Variants in PTPRQ observed in about 807,000 individuals in gnomAD.
PTPRQ encodes phosphatidylinositol phosphatase PTPRQ.
A neutral mutation model predicts 246.0 loss-of-function variants in PTPRQ; 199 were observed. The ratio of observed to expected loss-of-function variants is 0.81; its 90% CI spans 0.72 to 0.91. The LOEUF (loss-of-function observed/expected upper bound fraction) is 0.91, where lower values mean the gene tolerates loss of function less well. Ranked by LOEUF, PTPRQ falls within the 40% of genes least tolerant of loss-of-function variation. The probability of loss-of-function intolerance (pLI) is 0.00; values close to 1 mark genes in which losing one functional copy is unlikely to be tolerated. For synonymous variants in PTPRQ, 869 were observed against 853.2 expected (o/e 1.02, Z -0.32); for missense variants, 2,624 against 2,528.4 (o/e 1.04, Z -0.81).
In PTPRQ at chr12:80,523,947, C is replaced by G. The variant is rs377644715; in HGVS notation, c.2679-10068C>G. Among the ~76,000 whole-genome samples the G allele has an allele frequency of 2.8e-4, 43 of 152,206 alleles. 1 individual carries two copies. In the East Asian group the frequency reaches 3.7e-3, roughly 13 times the overall value. On this transcript the variant is annotated intron_variant, in intron 17 of 44. Transcript: ENST00000644991. ...TTAACTTTCTGTCTCATTGATCTGT[C>G]TAATGTTGACAGGGGGTGTTAAAGT...
chr12:80,486,574 G>A (rs1396797749), intron 9 of PTPRQ, among the ~76,000 whole-genome samples: 1 of 152,006 alleles, frequency 6.6e-6, no homozygotes, highest in Admixed American at 6.6e-5. Flanking sequence ...TATATAATGG[G>A]GCTTATATAG....
Position 80,542,305 on chromosome 12 carries a change from C to G in PTPRQ, c.3662C>G (p.Ala1221Gly). 6.5e-7 allele frequency: 1 copy of G among 1,549,364 alleles called. No individual in the cohort carries two copies. The highest frequency in any genetic ancestry group is 8.7e-7 in the Non-Finnish European group (1 of 1,146,258). ...ACATTATATAGCTTTTTTGCTGCCG[C>G]AAGAACTAGAAAAGGACTTGGTCCT... ...PFTLYSFFAA[A>G]RTRKGLGPSS... Residue 1221 changes from alanine to glycine, a missense_variant, in exon 22 of 45, where the codon GCA becomes GGA. By Grantham distance (60) the Ala-to-Gly change is moderately conservative. Coordinates refer to ENST00000644991, the MANE Select transcript of PTPRQ (RefSeq NM_001145026.2).
At chr12:80,604,589 C>G (rs767952698) in intron 26 of PTPRQ, among the ~76,000 whole-genome samples, 3 of 151,428 alleles carry the variant, frequency 2.0e-5, no homozygotes, top group Non-Finnish European at 4.4e-5. Context: ...ACAATAAAAT[C>G]AACTCAATTT....
At chr12:80,648,851 C>T in intron 35 of PTPRQ, 46 bp from the exon 36 acceptor site, 11 of 1,497,420 alleles carry the variant, frequency 7.3e-6, no homozygotes, top group Non-Finnish European at 9.8e-6. Flanking sequence ...TCAGAATTAG[C>T]TGTCCACTCT....
At chr12:80,482,711 C>A (rs762227079) in intron 8 of PTPRQ, among the ~76,000 whole-genome samples, 1 of 151,336 alleles carries the variant, frequency 6.6e-6, no homozygotes, top group Admixed American at 6.6e-5. Flanking sequence ...AAAAAGTGGG[C>A]GAAGGACATG....
intron 5 of PTPRQ, 122 bp from the exon 6 acceptor site, chr12:80,460,531 C>A (rs1192720080): frequency 2.5e-6 from 1 of 394,500 alleles, no homozygotes; most frequent in Admixed American, 4.4e-5. Context: ...TTGTCTATAA[C>A]TTTTGCATGT....
intron 6 of PTPRQ, chr12:80,461,921 C>G (rs1329486551): frequency 2.8e-5 from 1 of 36,184 alleles, no homozygotes; most frequent in African/African-American, 1.1e-4. Flanking sequence ...CGGTCTACAG[C>G]TCCCAGCATG....
At chr12:80,497,271 G>A (rs1447807025) in intron 14 of PTPRQ, among the ~76,000 whole-genome samples, 1 of 151,618 alleles carries the variant, frequency 6.6e-6, no homozygotes, top group Non-Finnish European at 1.5e-5. Flanking sequence ...CCTATCTGGG[G>A]GGTAATGGGA....
intron 39 of PTPRQ, among the ~76,000 whole-genome samples, chr12:80,665,433 T>G (rs1173376609): frequency 1.3e-5 from 2 of 152,042 alleles, no homozygotes; most frequent in East Asian, 3.9e-4. Flanking sequence ...TTGGACTTCT[T>G]ACTGAATTCT....
At chr12:80,653,600 A>C (rs1370410851) in intron 38 of PTPRQ, among the ~76,000 whole-genome samples, 1 of 152,150 alleles carries the variant, frequency 6.6e-6, no homozygotes, top group South Asian at 2.1e-4. Context: ...CTGTGTGTGT[A>C]TATATATATT....
At position 80,678,845 on chromosome 12, in the gene PTPRQ, G is replaced by GT. The variant is rs570631108; in HGVS notation, c.6862+128dup. ...GAAGCTGGATTAGTGCACAGATCAG[G>GT]TTTTTTTTCTTTAACTTTTCTCTAA... is the stretch of plus-strand genomic sequence containing the variant. On this transcript the variant is annotated intron_variant, in intron 44 of 44. Transcript: ENST00000644991. The GT allele has an allele frequency of 7.2e-5, 103 of 1,430,324 alleles. No individual in the cohort carries two copies. In the East Asian group the frequency reaches 1.9e-3, roughly 27 times the overall value. The allele number at this position is 1,430,324 out of a possible 1,614,324, so 88.6% of individuals were successfully genotyped here. A position where few individuals can be genotyped will look rare whatever the true frequency, so the allele number is the denominator to read the frequency against.
At chr12:80,567,217 A>G (rs1401212047) in intron 25 of PTPRQ, among the ~76,000 whole-genome samples, 1 of 152,222 alleles carries the variant, frequency 6.6e-6, no homozygotes, top group Non-Finnish European at 1.5e-5. Flanking sequence ...TTCTATTAAA[A>G]ATCTACATTT....
intron 33 of PTPRQ, 98 bp from the exon 34 acceptor site, chr12:80,632,094 A>G: frequency 6.9e-7 from 1 of 1,440,736 alleles, no homozygotes; most frequent in East Asian, 2.5e-5. Context: ...TTCAGCAAAG[A>G]ATATTTTCTT....
intron 25 of PTPRQ, among the ~76,000 whole-genome samples, chr12:80,552,770 G>C (rs545199807): frequency 6.9e-6 from 1 of 145,552 alleles, no homozygotes; most frequent in African/African-American, 2.5e-5. Context: ...CAAAATCAAA[G>C]AATTAAGCAG....
At position 80,616,217 on chromosome 12, in the gene PTPRQ, T is replaced by C; in HGVS notation, c.5181T>C (p.Ser1727=). 6.7e-7 allele frequency: 1 copy of C among 1,490,966 alleles called. No individual in the cohort carries two copies. Among genetic ancestry groups the C allele is most frequent in the Non-Finnish European group, 8.9e-7 (1 of 1,117,774 alleles). The allele number at this position is 1,490,966 out of a possible 1,614,324, so 92.4% of individuals were successfully genotyped here. Residue 1727 remains serine, a synonymous_variant, in exon 30 of 45, where the codon AGT becomes AGC. Transcript: ENST00000644991. ...TYNISVYAVN[S]AGAGPKVPMR... ...TGTTTTAGGTTTACGCAGTCAATAGTGCTGGTGCAGGTCCAAAGGTTCCGA... is the reference window on the plus strand; with the variant it reads ...TGTTTTAGGTTTACGCAGTCAATAGCGCTGGTGCAGGTCCAAAGGTTCCGA...
At chr12:80,580,756 T>C (rs2120991888) in intron 25 of PTPRQ, among the ~76,000 whole-genome samples, 1 of 152,300 alleles carries the variant, frequency 6.6e-6, no homozygotes, top group South Asian at 2.1e-4. Context: ...AAAAGGCTGT[T>C]TCAATGAACC....
Position 80,546,500 on chromosome 12 carries a change from TTGA to T in PTPRQ, c.3874-52_3874-50del. On this transcript the variant is annotated intron_variant, in intron 23 of 44. Transcript: ENST00000644991. ...GAATAACTTCAATGAAAATATTCCA[TTGA>T]TGAACAATTTTTTGACAGTGCATTA... 2.0e-6 allele frequency: 3 copies of T among 1,480,064 alleles called. No homozygotes were observed. In the Middle Eastern group the frequency reaches 5.2e-4, roughly 255 times the overall value. 91.7% of individuals were successfully genotyped at this position (1,480,064 alleles called of 1,614,324 possible). A position where few individuals can be genotyped will look rare whatever the true frequency, so the allele number is the denominator to read the frequency against.
At chr12:80,656,787 A>G (rs1396130937) in intron 38 of PTPRQ, among the ~76,000 whole-genome samples, 1 of 151,848 alleles carries the variant, frequency 6.6e-6, no homozygotes, top group Non-Finnish European at 1.5e-5. Context: ...CAAATCAGGG[A>G]CAAAAGATGA....
At chr12:80,535,728 T>G (rs1895966238) in intron 19 of PTPRQ, among the ~76,000 whole-genome samples, 1 of 152,230 alleles carries the variant, frequency 6.6e-6, no homozygotes, top group Non-Finnish European at 1.5e-5. Context: ...TTTCTTCAAA[T>G]TAGATGTTTC....
Sources: gnomAD v4.1 joint callset for allele counts (sites outside exome capture counted in the v4.1 genomes callset) on GRCh38, gnomAD v4.1.1 for gene constraint, MANE v1.5 for transcripts, NCBI Gene and HGNC (gene_info 2026-07-23, HGNC 2026-07-21) for gene names.